Variants in PTPRD observed in about 807,000 individuals in gnomAD.
PTPRD encodes the protein protein tyrosine phosphatase receptor type D.
PTPRD carries 34 observed loss-of-function variants against 214.5 expected under a neutral mutation model. The observed-to-expected ratio is 0.16, with a 90% confidence interval of 0.12 to 0.21. The LOEUF (loss-of-function observed/expected upper bound fraction) is 0.21, where lower values mean the gene tolerates loss of function less well. Among genes scored for constraint, PTPRD ranks in the 10% least tolerant of loss-of-function variants. The pLI is 1.00. For missense variants in PTPRD, 2,545 were observed against 2,398.7 expected (o/e 1.06, Z -1.27); for synonymous variants, 1,128 against 845.7 (o/e 1.33, Z -5.79).
intron 17 of PTPRD, 88 bp from the exon 18 acceptor site, chr9:8,525,123 G>C: frequency 8.9e-7 from 1 of 1,118,668 alleles, no homozygotes; most frequent in Non-Finnish European, 1.4e-6. Context: ...AATATGAAAA[G>C]CCCTGCAAAG....
chr9:10,380,213 T>C (rs1344250863), intron 2 of PTPRD, among the ~76,000 whole-genome samples: 3 of 152,108 alleles, frequency 2.0e-5, no homozygotes, highest in Non-Finnish European at 4.4e-5. Flanking sequence ...AGATGTTGCA[T>C]TTCTTGAAAG....
chr9:9,153,627 G>T (rs1273012852), intron 10 of PTPRD, among the ~76,000 whole-genome samples: 1 of 152,140 alleles, frequency 6.6e-6, no homozygotes, highest in African/African-American at 2.4e-5. Flanking sequence ...TTAAAGATGT[G>T]TATTTTGTTA....
chr9:10,245,624 G>C (rs1379677410), intron 3 of PTPRD, among the ~76,000 whole-genome samples: 1 of 152,094 alleles, frequency 6.6e-6, no homozygotes, highest in Non-Finnish European at 1.5e-5. Context: ...TGTTAATACA[G>C]GTATGTTAGA....
Position 8,500,933 on chromosome 9 carries a change from G to A in PTPRD, c.1949C>T (p.Thr650Ile), listed in dbSNP as rs2136975733. The change falls in exon 24 of 46, where the codon ACT becomes ATT. Residue 650 changes from threonine to isoleucine, a missense_variant. Thr to Ile is a moderately conservative substitution (Grantham distance 89). Coordinates refer to ENST00000381196, the MANE Select transcript of PTPRD (RefSeq NM_002839.4). Reference protein sequence around the residue: ...GIITEYSIKYTAVDGEDDKPH... With the variant: ...GIITEYSIKYIAVDGEDDKPH... ...CTTGTCATCTTCCCCATCCACTGCA[G>A]TGTACTTGATGGAGTATTCAGTGAT... 6.2e-7 allele frequency: 1 copy of A among 1,614,158 alleles called. No individual in the cohort carries two copies. The highest frequency in any genetic ancestry group is 1.1e-5 in the South Asian group (1 of 91,086).
At chr9:9,122,722 C>A (rs866177342) in intron 10 of PTPRD, among the ~76,000 whole-genome samples, 3 of 152,152 alleles carry the variant, frequency 2.0e-5, no homozygotes, top group African/African-American at 4.8e-5. Context: ...CATTTAGCTA[C>A]GTTCTGTTTT....
chr9:8,650,807 T>C (rs1199542202), intron 12 of PTPRD, among the ~76,000 whole-genome samples: 2 of 152,166 alleles, frequency 1.3e-5, no homozygotes, highest in African/African-American at 4.8e-5. Flanking sequence ...TATAATTATT[T>C]TTGGTCCTAT....
intron 2 of PTPRD, among the ~76,000 whole-genome samples, chr9:10,611,163 T>C (rs2080866793): frequency 1.3e-5 from 2 of 152,170 alleles, no homozygotes; most frequent in South Asian, 4.1e-4. Context: ...AGAAAGAAAT[T>C]AACAGTTAAA....
intron 11 of PTPRD, among the ~76,000 whole-genome samples, chr9:8,822,854 A>T (rs528188909): frequency 6.6e-6 from 1 of 152,188 alleles, no homozygotes; most frequent in Admixed American, 6.5e-5. Context: ...CATTTACTTA[A>T]GCTACGGCAA....
At chr9:8,385,996 T>A (rs1395190739) in intron 37 of PTPRD, among the ~76,000 whole-genome samples, 1 of 152,166 alleles carries the variant, frequency 6.6e-6, no homozygotes, top group Non-Finnish European at 1.5e-5. Flanking sequence ...AGTGAATTAT[T>A]TGGAGGCTAT....
intron 3 of PTPRD, among the ~76,000 whole-genome samples, chr9:10,192,349 A>G (rs1452190870): frequency 6.6e-6 from 1 of 151,232 alleles, no homozygotes; most frequent in African/African-American, 2.4e-5. Flanking sequence ...TGGTAGCTTA[A>G]TACAACAGAA....
chr9:8,491,834 G>A (rs950661678), intron 27 of PTPRD, among the ~76,000 whole-genome samples: 7 of 152,106 alleles, frequency 4.6e-5, no homozygotes, highest in African/African-American at 1.7e-4. Flanking sequence ...CATCACAGCT[G>A]TTCTTTACTT....
chr9:10,320,391 T>C (rs1212919481), intron 3 of PTPRD, among the ~76,000 whole-genome samples: 3 of 152,048 alleles, frequency 2.0e-5, no homozygotes, highest in South Asian at 2.1e-4. Flanking sequence ...GGATTGATAA[T>C]TTAGCAAATC....
intron 4 of PTPRD, among the ~76,000 whole-genome samples, chr9:10,006,791 A>G (rs1313981349): frequency 6.6e-6 from 1 of 151,908 alleles, no homozygotes. Flanking sequence ...ACTTACTACA[A>G]TCTAGATATA....
intron 7 of PTPRD, among the ~76,000 whole-genome samples, chr9:9,580,170 T>A (rs2090290659): frequency 6.8e-6 from 1 of 147,596 alleles, no homozygotes; most frequent in Non-Finnish European, 1.5e-5. Context: ...GCAATAAACA[T>A]ATGAGTACAG....
chr9:9,628,941 A>C (rs533676138), intron 7 of PTPRD, among the ~76,000 whole-genome samples: 4 of 151,918 alleles, frequency 2.6e-5, no homozygotes, highest in Non-Finnish European at 4.4e-5. Context: ...TGGGAGGCCG[A>C]GGCGGGCAGA....
chr9:9,011,124 C>G (rs1452434556), intron 11 of PTPRD, among the ~76,000 whole-genome samples: 1 of 152,046 alleles, frequency 6.6e-6, no homozygotes, highest in Non-Finnish European at 1.5e-5. Flanking sequence ...CAATTCTAGT[C>G]TGTAGGGGTG....
intron 7 of PTPRD, among the ~76,000 whole-genome samples, chr9:9,627,530 C>G (rs2095461184): frequency 6.6e-6 from 1 of 152,182 alleles, no homozygotes; most frequent in African/African-American, 2.4e-5. Flanking sequence ...AGTGTTTTCT[C>G]TTCTTCTCTG....
intron 5 of PTPRD, among the ~76,000 whole-genome samples, chr9:9,819,293 T>C (rs1368591547): frequency 6.6e-6 from 1 of 152,180 alleles, no homozygotes; most frequent in Non-Finnish European, 1.5e-5. Flanking sequence ...CAGGTCTCTA[T>C]AACTATTTAT....
At chr9:9,062,125 T>A (rs1406137210) in intron 10 of PTPRD, among the ~76,000 whole-genome samples, 1 of 152,190 alleles carries the variant, frequency 6.6e-6, no homozygotes. Context: ...AAGTTCAAGT[T>A]TACTTAGCAG....
Sources: gnomAD v4.1 joint callset for allele counts (sites outside exome capture counted in the v4.1 genomes callset) on GRCh38, gnomAD v4.1.1 for gene constraint, MANE v1.5 for transcripts, NCBI Gene and HGNC (gene_info 2026-07-23, HGNC 2026-07-21) for gene names.